Variants in TSHZ1 observed in about 807,000 individuals in gnomAD.
TSHZ1 encodes the protein teashirt homolog 1.
TSHZ1 carries 12 observed loss-of-function variants against 67.1 expected under a neutral mutation model. That is an observed-to-expected ratio of 0.18 (90% CI 0.11 to 0.29). The LOEUF is 0.29. Among genes scored for constraint, TSHZ1 ranks in the 10% least tolerant of loss-of-function variants. The pLI, the probability that TSHZ1 is intolerant of heterozygous loss-of-function variation, is 1.00. For missense variants in TSHZ1, 1,305 were observed against 1,413.9 expected (o/e 0.92, Z 1.23); for synonymous variants, 632 against 622.4 (o/e 1.02, Z -0.23).
chr18:75,215,750 G>T (rs1599366939), intron 1 of TSHZ1, among the ~76,000 whole-genome samples: 2 of 152,214 alleles, frequency 1.3e-5, no homozygotes, highest in African/African-American at 2.4e-5. Flanking sequence ...AAAACATGTA[G>T]TGTCTGGATA....
chr18:75,253,309 T>C (rs1017499250), intron 1 of TSHZ1, among the ~76,000 whole-genome samples: 2 of 152,244 alleles, frequency 1.3e-5, no homozygotes, highest in African/African-American at 4.8e-5. Context: ...TACTAGATTT[T>C]AGTACTTTTT....
In TSHZ1 at chr18:75,288,762, G is replaced by C. The variant is rs1269308597; in HGVS notation, c.*121G>C. 6.2e-6 allele frequency: 9 copies of C among 1,452,174 alleles called. No individual in the cohort carries two copies. Among genetic ancestry groups the C allele is most frequent in the Non-Finnish European group, 8.2e-6 (9 of 1,097,384 alleles). 90.0% of individuals were successfully genotyped at this position (1,452,174 alleles called of 1,614,324 possible). ...TGCTGGCCCGCCTCTCTGGACCTTG[G>C]TTTTCTTACACATATTTTGTATATT... On this transcript the variant is annotated 3_prime_UTR_variant, in exon 2 of 2. Transcript: ENST00000580243. This position sits in a 1 kb window ranked among gnomAD's most constrained non-coding sequence, Gnocchi z 4.9.
chr18:75,245,969 C>T (rs1171706270), intron 1 of TSHZ1, among the ~76,000 whole-genome samples: 4 of 152,172 alleles, frequency 2.6e-5, no homozygotes, highest in Admixed American at 1.3e-4. Context: ...TCCACAAATA[C>T]AATGCTCTGA....
intron 1 of TSHZ1, among the ~76,000 whole-genome samples, chr18:75,237,002 T>G (rs1250691212): frequency 6.6e-6 from 1 of 152,162 alleles, no homozygotes; most frequent in Non-Finnish European, 1.5e-5. Flanking sequence ...CGGATTGTTG[T>G]GGCGGGGAAT....
At chr18:75,250,269 C>T (rs570449553) in intron 1 of TSHZ1, among the ~76,000 whole-genome samples, 15 of 152,282 alleles carry the variant, frequency 9.9e-5, no homozygotes, top group East Asian at 1.9e-4. Flanking sequence ...TCCCTGTCCC[C>T]AGTCGCAAGG....
At chr18:75,227,124 A>G (rs953852881) in intron 1 of TSHZ1, among the ~76,000 whole-genome samples, 1 of 152,154 alleles carries the variant, frequency 6.6e-6, no homozygotes, top group Non-Finnish European at 1.5e-5. Context: ...GCCCTGAGTA[A>G]TACTCAGTGA....
At position 75,286,376 on chromosome 18, in the gene TSHZ1, C is replaced by T. The variant is rs766397774; in HGVS notation, c.969C>T (p.Ser323=). The change falls in exon 2 of 2, where the codon AGC becomes AGT. Residue 323 remains serine (S), a synonymous_variant. Coordinates refer to ENST00000580243, the MANE Select transcript of TSHZ1 (RefSeq NM_001308210.2). This position sits in a 1 kb window ranked among gnomAD's most constrained non-coding sequence, Gnocchi z 5.1. ...CCTTTGAGTCCTTGCAGGACCTCAG[C>T]GTCCACATGATCAAAACCAAGCATT... is the stretch of plus-strand genomic sequence containing the variant. The part of the protein sequence containing the change: ...GHSFESLQDL[S]VHMIKTKHYQ... The T allele has an allele frequency of 1.1e-5, 18 of 1,614,032 alleles. No homozygotes were observed. The highest frequency in any genetic ancestry group is 9.3e-5 in the African/African-American group (7 of 74,914).
At chr18:75,246,134 A>G (rs1408573474) in intron 1 of TSHZ1, among the ~76,000 whole-genome samples, 2 of 152,230 alleles carry the variant, frequency 1.3e-5, no homozygotes, top group South Asian at 2.1e-4. Context: ...TTGAAAGCCA[A>G]CATTTTGAAA....
chr18:75,251,252 A>C (rs1312491651), intron 1 of TSHZ1, among the ~76,000 whole-genome samples: 2 of 152,208 alleles, frequency 1.3e-5, no homozygotes, highest in African/African-American at 4.8e-5. Context: ...AAAACACAGA[A>C]AAATAAACAA....
Position 75,211,005 on chromosome 18 carries a change from G to C in TSHZ1, c.-872G>C, listed in dbSNP as rs1159296599. ...TTGTTGCCTTTTTTTTTTCTTGGAG[G>C]GGGGGGTGCTTTTTGTGTATTTTTC... On this transcript the variant is annotated 5_prime_UTR_variant, in exon 1 of 2. Coordinates refer to ENST00000580243, the MANE Select transcript of TSHZ1 (RefSeq NM_001308210.2). 5 of 150,828 alleles carry C rather than the reference G, an allele frequency of 3.3e-5. No homozygotes were observed. The highest frequency in any genetic ancestry group is 1.2e-4 in the African/African-American group (5 of 40,884). The allele number at this position is 150,828 out of a possible 1,614,324, so 9.3% of individuals were successfully genotyped here.
intron 1 of TSHZ1, among the ~76,000 whole-genome samples, chr18:75,256,127 T>A (rs941633389): frequency 2.0e-5 from 3 of 152,228 alleles, no homozygotes; most frequent in Non-Finnish European, 4.4e-5. Context: ...TCAAAGAAGA[T>A]CTATTATCAA....
chr18:75,213,156 C>G (rs2022721269), intron 1 of TSHZ1, among the ~76,000 whole-genome samples: 1 of 152,104 alleles, frequency 6.6e-6, no homozygotes, highest in Non-Finnish European at 1.5e-5. Flanking sequence ...ATTACTGCTA[C>G]TAAAAAAATT....
intron 1 of TSHZ1, among the ~76,000 whole-genome samples, chr18:75,275,707 C>T (rs1485426715): frequency 6.6e-6 from 1 of 152,164 alleles, no homozygotes; most frequent in Non-Finnish European, 1.5e-5. Flanking sequence ...TAGGATTTAT[C>T]TTTCCCCAGA....
At chr18:75,265,538 T>C (rs2023480100) in intron 1 of TSHZ1, among the ~76,000 whole-genome samples, 1 of 152,240 alleles carries the variant, frequency 6.6e-6, no homozygotes, top group Non-Finnish European at 1.5e-5. Flanking sequence ...AAAGAATAGC[T>C]AAGGAGAATG....
At chr18:75,231,424 C>T (rs1426683066) in intron 1 of TSHZ1, among the ~76,000 whole-genome samples, 1 of 152,258 alleles carries the variant, frequency 6.6e-6, no homozygotes, top group African/African-American at 2.4e-5. Context: ...TTGTCCACTA[C>T]ACCAGAACAC....
intron 1 of TSHZ1, among the ~76,000 whole-genome samples, chr18:75,236,308 G>C (rs779669610): frequency 1.3e-5 from 2 of 152,058 alleles, no homozygotes; most frequent in Non-Finnish European, 2.9e-5. Flanking sequence ...AATTCTAACA[G>C]GTTCCCCTTT....
chr18:75,228,715 G>A (rs939210484), intron 1 of TSHZ1, among the ~76,000 whole-genome samples: 2 of 152,198 alleles, frequency 1.3e-5, no homozygotes, highest in African/African-American at 4.8e-5. Context: ...GGTTCTAAGG[G>A]AGCTGGGTAT....
At chr18:75,243,177 G>T (rs1411164091) in intron 1 of TSHZ1, among the ~76,000 whole-genome samples, 1 of 152,166 alleles carries the variant, frequency 6.6e-6, no homozygotes, top group Non-Finnish European at 1.5e-5. Context: ...AGGCTTACCC[G>T]GGCTGGCCCA....
chr18:75,288,135 G>A lies in TSHZ1; in HGVS notation c.2728G>A (p.Glu910Lys), dbSNP rs761001288. 4.3e-6 allele frequency: 7 copies of A among 1,613,846 alleles called. No individual in the cohort carries two copies. In the African/African-American group the frequency reaches 9.3e-5, roughly 22 times the overall value. ...GGCCCAGTTCGCCTCGAGCTTGCGG[G>A]AGACCACAGAGGGCAAGTACATCAT... ...LQAQFASSLR[E>K]TTEGKYIMSD... Residue 910 changes from glutamate (E) to lysine (K), a missense_variant, in exon 2 of 2, where the codon GAG (glutamate) becomes AAG (lysine). This residue lies in a region of TSHZ1 where 909 missense variants were observed against 961.8 expected (regional missense o/e 0.95). Transcript: ENST00000580243. This position sits in a 1 kb window ranked among gnomAD's most constrained non-coding sequence, Gnocchi z 4.9.
Sources: gnomAD v4.1 joint callset for allele counts (sites outside exome capture counted in the v4.1 genomes callset) on GRCh38, gnomAD v4.1.1 for gene constraint, gnomAD v4.1.1 regional missense constraint, Gnocchi (gnomAD v3.1) non-coding constraint, MANE v1.5 for transcripts, NCBI Gene and HGNC (gene_info 2026-07-23, HGNC 2026-07-21) for gene names.